PEX14: variants seen among roughly 807,000 people sequenced by gnomAD.
PEX14 encodes peroxisomal biogenesis factor 14, also known as peroxisomal membrane protein PEX14.
Under a neutral mutation model 49.5 loss-of-function variants are expected in PEX14, and 15 were observed. The ratio of observed to expected loss-of-function variants is 0.30; its 90% confidence interval spans 0.20 to 0.47. The LOEUF is 0.47. PEX14 is among the 20% of genes least tolerant of loss of function. The pLI is 1.00. For synonymous variants in PEX14, 210 were observed against 212.7 expected (o/e 0.99, Z 0.11); for missense variants, 398 against 494.8 (o/e 0.80, Z 1.86).
chr1:10,520,154 T>TTTTTTTTTTTTTTTTG (rs1341826242), intron 2 of PEX14, among the ~76,000 whole-genome samples: 3 of 64,532 alleles, frequency 4.6e-5, no homozygotes, highest in Non-Finnish European at 8.5e-5. Context: ...TCTTCTTTTT[T>TTTTTTTTTTTTTTTTG]TTTTTTTTGT....
rs145899844 is a variant in PEX14, at chr1:10,629,546, A to G, written c.693A>G (p.Pro231=). Residue 231 remains proline (P), a synonymous_variant, in exon 9 of 9, where the codon CCA becomes CCG. Transcript: ENST00000356607. This position sits in a 1 kb window ranked among gnomAD's most constrained non-coding sequence, Gnocchi z 8.5. ...GLLLNRRQFP[P]SPSAPKIPSW... ...CTCCCTCTAGGAGGCAGTTCCCTCC[A>G]TCCCCATCAGCCCCGAAGATCCCCT... 391 of 1,612,920 alleles carry G rather than the reference A, an allele frequency of 2.4e-4. No individual in the cohort carries two copies. Among genetic ancestry groups the G allele is most frequent in the Non-Finnish European group, 3.1e-4 (362 of 1,179,346 alleles).
At chr1:10,569,762 G>A (rs1309736027) in intron 3 of PEX14, among the ~76,000 whole-genome samples, 1 of 152,144 alleles carries the variant, frequency 6.6e-6, no homozygotes, top group African/African-American at 2.4e-5. Context: ...TTAGAATCTT[G>A]AGGACATTTT....
intron 2 of PEX14, 105 bp from the exon 3 acceptor site, chr1:10,536,108 A>G (rs1440411607): frequency 2.6e-6 from 2 of 779,662 alleles, no homozygotes; most frequent in Admixed American, 3.7e-5. Context: ...TGACCACAAT[A>G]GTATGCTTGT....
chr1:10,579,263 GAC>G (rs1262652764), intron 3 of PEX14, among the ~76,000 whole-genome samples: 4 of 152,006 alleles, frequency 2.6e-5, no homozygotes, highest in Non-Finnish European at 5.9e-5. Flanking sequence ...AAAGAAAAAA[GAC>G]ACTTTATCTA....
At chr1:10,487,250 T>C (rs191569322) in intron 1 of PEX14, among the ~76,000 whole-genome samples, 62 of 151,954 alleles carry the variant, frequency 4.1e-4, no homozygotes, top group Admixed American at 6.5e-4. Context: ...TATTATTCTA[T>C]AGTTTTTTTG....
intron 4 of PEX14, among the ~76,000 whole-genome samples, chr1:10,604,930 C>G (rs1268961625): frequency 6.6e-6 from 1 of 152,158 alleles, no homozygotes; most frequent in African/African-American, 2.4e-5. Context: ...AGTGCCTACC[C>G]TGTGTGCTCA....
chr1:10,503,614 G>C (rs10864460), intron 2 of PEX14, among the ~76,000 whole-genome samples: 96,294 of 151,184 alleles, frequency 0.64, 31,762 homozygotes, highest in South Asian at 0.74. Context: ...TAAAGCATAG[G>C]TATTCCATGC....
intron 3 of PEX14, among the ~76,000 whole-genome samples, chr1:10,576,920 T>A (rs1007386429): frequency 7.2e-5 from 11 of 151,874 alleles, no homozygotes; most frequent in African/African-American, 2.7e-4. Flanking sequence ...GCCCGGCTAA[T>A]TTTTGTATTT....
intron 3 of PEX14, among the ~76,000 whole-genome samples, chr1:10,568,247 T>C (rs2124544583): frequency 6.6e-6 from 1 of 151,310 alleles, no homozygotes; most frequent in South Asian, 2.1e-4. Context: ...TTTTAAATAA[T>C]ATGCTTTTAT....
chr1:10,496,162 C>T (rs1015282074), intron 2 of PEX14, among the ~76,000 whole-genome samples: 2 of 152,174 alleles, frequency 1.3e-5, no homozygotes, highest in Non-Finnish European at 2.9e-5. Flanking sequence ...ATGAACACGT[C>T]TGAATTCCAG....
At chr1:10,577,614 C>T (rs1157875514) in intron 3 of PEX14, among the ~76,000 whole-genome samples, 5 of 61,036 alleles carry the variant, frequency 8.2e-5, no homozygotes, top group African/African-American at 2.1e-4. Context: ...TTTTTTTGGA[C>T]AGAGTCTCGC....
rs554074239 is a variant in PEX14, at chr1:10,523,462, C to T, written c.85-12751C>T. 1.4e-4 allele frequency among the ~76,000 whole-genome samples: 22 copies of T among 152,008 alleles called. No individual in the cohort carries two copies. The South Asian group carries it at 4.2e-3, about 29-fold the overall frequency. On this transcript the variant is annotated intron_variant, in intron 2 of 8. Coordinates refer to ENST00000356607, the MANE Select transcript of PEX14 (RefSeq NM_004565.3). ...TTGACCTAAGCCCATATCTCTGGCC[C>T]AGGTATCAGCGACTGCCTCATGGAA...
In PEX14 at chr1:10,623,799, G is replaced by A. The variant is rs117625096; in HGVS notation, c.488-541G>A. Among the ~76,000 whole-genome samples the A allele has an allele frequency of 6.1e-4, 93 of 152,322 alleles. 2 individuals are homozygous for A. The East Asian group carries it at 0.017, about 28-fold the overall frequency. ...CCATCCTGCTGCCGTTTGCTCCTGC[G>A]AGGCTGACATTGGTGGCAACAAGGT... On this transcript the variant is annotated intron_variant, in intron 6 of 8. Coordinates refer to ENST00000356607, the MANE Select transcript of PEX14 (RefSeq NM_004565.3). This position sits in a 1 kb window ranked among gnomAD's most constrained non-coding sequence, Gnocchi z 4.4.
chr1:10,493,565 G>C (rs1212128570), intron 1 of PEX14, among the ~76,000 whole-genome samples: 2 of 152,086 alleles, frequency 1.3e-5, no homozygotes, highest in African/African-American at 2.4e-5. Flanking sequence ...ATAGCTGGGA[G>C]TACAAGCGCA....
intron 3 of PEX14, among the ~76,000 whole-genome samples, chr1:10,552,001 G>T (rs1639347318): frequency 6.6e-6 from 1 of 152,110 alleles, no homozygotes; most frequent in Admixed American, 6.5e-5. Context: ...GCTGAGGCAG[G>T]AGAATCTCTT....
chr1:10,475,304 C>A (rs1641175713), intron 1 of PEX14, among the ~76,000 whole-genome samples: 1 of 152,168 alleles, frequency 6.6e-6, no homozygotes, highest in Non-Finnish European at 1.5e-5. Flanking sequence ...TGACGGGACC[C>A]TTGGGAAGTC....
intron 1 of PEX14, among the ~76,000 whole-genome samples, chr1:10,486,519 A>G (rs994617082): frequency 2.6e-5 from 4 of 151,848 alleles, no homozygotes; most frequent in African/African-American, 9.7e-5. Flanking sequence ...GTCTCTATAC[A>G]AATTTTTAAA....
Position 10,507,759 on chromosome 1 carries a change from T to G in PEX14, c.84+12438T>G, listed in dbSNP as rs1347428742. Among the ~76,000 whole-genome samples, 4 of 152,114 alleles carry G rather than the reference T, an allele frequency of 2.6e-5. No individual in the cohort carries two copies. In the East Asian group the frequency reaches 5.8e-4, roughly 22 times the overall value. On this transcript the variant is annotated intron_variant, in intron 2 of 8. Coordinates refer to ENST00000356607, the MANE Select transcript of PEX14 (RefSeq NM_004565.3). The stretch of plus-strand genomic sequence containing the variant: ...CTGGAATCCGCATAAGTAAAGAAAA[T>G]ACAATATCCAGGATCTTTTATTTCT...
chr1:10,518,811 A>G (rs1642016909), intron 2 of PEX14, among the ~76,000 whole-genome samples: 1 of 152,134 alleles, frequency 6.6e-6, no homozygotes, highest in Non-Finnish European at 1.5e-5. Context: ...TCTTTACAGA[A>G]GAGATGCTTC....
Sources: gnomAD v4.1 joint callset for allele counts (sites outside exome capture counted in the v4.1 genomes callset) on GRCh38, gnomAD v4.1.1 for gene constraint, Gnocchi (gnomAD v3.1) non-coding constraint, MANE v1.5 for transcripts, NCBI Gene and HGNC (gene_info 2026-07-23, HGNC 2026-07-21) for gene names.